Variants in PLEKHA7 observed in about 807,000 individuals in gnomAD.
PLEKHA7 encodes pleckstrin homology domain-containing family A member 7.
A neutral mutation model predicts 170.0 loss-of-function variants in PLEKHA7; 104 were observed. That is an observed-to-expected ratio of 0.61 (90% CI 0.52 to 0.72). The LOEUF (loss-of-function observed/expected upper bound fraction) is 0.72. PLEKHA7 is among the 30% of genes least tolerant of loss of function. PLEKHA7 has a pLI of 0.00. For synonymous variants in PLEKHA7, 648 were observed against 660.8 expected (o/e 0.98, Z 0.30); for missense variants, 1,615 against 1,671.7 (o/e 0.97, Z 0.59).
chr11:16,838,514 TA>T (rs56823340), intron 9 of PLEKHA7, among the ~76,000 whole-genome samples: 24,471 of 128,378 alleles, frequency 0.19, 2,520 homozygotes, highest in Non-Finnish European at 0.27. Flanking sequence ...CTCTGTGTCT[TA>T]AAAAAAAAAA....
At chr11:16,813,025 G>C (rs1590198472) in intron 13 of PLEKHA7, 88 bp downstream of exon 13, 1 of 1,115,222 alleles carries the variant, frequency 9.0e-7, no homozygotes, top group East Asian at 2.4e-5. Context: ...AGACCTGTCT[G>C]GCCTTTGGCT....
intron 3 of PLEKHA7, among the ~76,000 whole-genome samples, chr11:16,982,208 GC>G (rs1260759248): frequency 1.3e-5 from 2 of 152,232 alleles, no homozygotes; most frequent in Non-Finnish European, 2.9e-5. Flanking sequence ...CCCTGGAAGG[GC>G]CCCAAGCCCC....
At position 16,789,808 on chromosome 11, in the gene PLEKHA7, AC is replaced by A. The variant is rs1564909057; in HGVS notation, c.3122del (p.Gly1041ValfsTer31). On this transcript the variant is annotated frameshift_variant, in exon 22 of 27. Transcript: ENST00000531066. LOFTEE classifies it high-confidence loss of function. This position sits in a 1 kb window ranked among gnomAD's most constrained non-coding sequence, Gnocchi z 4.6. ...TCGCCTTGCTGCTTTCGGCATTGAG[AC>A]CCCTCCGGAGTGTGACGTAGGGAGC... The part of the protein sequence containing the change: ...TIAPYVTLRR[G>X]LNAESSKATF... 6.2e-7 allele frequency: 1 copy of A among 1,613,800 alleles called. No homozygotes were observed. The highest frequency in any genetic ancestry group is 1.1e-5 in the South Asian group (1 of 91,048).
chr11:16,977,400 T>C (rs1356818758), intron 3 of PLEKHA7, among the ~76,000 whole-genome samples: 1 of 152,142 alleles, frequency 6.6e-6, no homozygotes, highest in Non-Finnish European at 1.5e-5. Context: ...CAATGAAACC[T>C]TCCCCACCCA....
Position 16,826,474 on chromosome 11 carries a change from T to C in PLEKHA7, c.989A>G (p.Asp330Gly), listed in dbSNP as rs1292880208. The C allele has an allele frequency of 8.1e-6, 13 of 1,614,100 alleles. No homozygotes were observed. Among genetic ancestry groups the C allele is most frequent in the African/African-American group, 1.3e-5 (1 of 74,928 alleles). ...CTGCCTCTCGAAGTTGACAATGTCA[T>C]CATGGCCACGATGAGGACAATCTCT... is the stretch of plus-strand genomic sequence containing the variant. ...HTRDCPHRGHDDIVNFERQEQ... is the reference protein window; with the variant it reads ...HTRDCPHRGHGDIVNFERQEQ... Residue 330 changes from aspartate (D) to glycine (G), a missense_variant, in exon 10 of 27, where the codon GAT becomes GGT. By Grantham distance (94) the Asp-to-Gly change is moderately conservative. Transcript: ENST00000531066.
intron 2 of PLEKHA7, 25 bp from the exon 3 acceptor site, chr11:17,014,071 G>T: frequency 6.3e-7 from 1 of 1,578,046 alleles, no homozygotes. Context: ...GAAAAGTCGG[G>T]TCAAACTTGG....
At chr11:16,859,546 C>A (rs1348582441) in intron 4 of PLEKHA7, among the ~76,000 whole-genome samples, 1 of 152,200 alleles carries the variant, frequency 6.6e-6, no homozygotes, top group Non-Finnish European at 1.5e-5. Flanking sequence ...TGTACAGCCT[C>A]CCGAAGAGAC....
At chr11:16,876,498 T>C (rs1032684245) in intron 3 of PLEKHA7, among the ~76,000 whole-genome samples, 7 of 152,180 alleles carry the variant, frequency 4.6e-5, no homozygotes, top group African/African-American at 1.7e-4. Context: ...CCAGGGAACA[T>C]GGACAGAAGA....
intron 9 of PLEKHA7, among the ~76,000 whole-genome samples, chr11:16,836,305 G>A (rs1244998320): frequency 6.6e-6 from 1 of 152,200 alleles, no homozygotes. Flanking sequence ...TACTGTCTGA[G>A]CCTTGAACCC....
rs1863910513 is a variant in PLEKHA7, at chr11:16,989,464, C to T, written c.221+24525G>A. ...ATAACTACTTAACACAGACCAAGAA[C>T]TTCCCCAAAGTCAAAGCTGGTAAGT... On this transcript the variant is annotated intron_variant, in intron 3 of 26. Coordinates refer to ENST00000531066, the MANE Select transcript of PLEKHA7 (RefSeq NM_001329630.2). 2.6e-5 allele frequency among the ~76,000 whole-genome samples: 4 copies of T among 152,200 alleles called. No individual in the cohort carries two copies. The South Asian group carries it at 8.3e-4, about 32-fold the overall frequency.
chr11:16,872,495 G>C (rs1854937161), intron 3 of PLEKHA7, among the ~76,000 whole-genome samples: 3 of 152,088 alleles, frequency 2.0e-5, no homozygotes, highest in Non-Finnish European at 4.4e-5. Context: ...ATTTGAAATA[G>C]CTGAATAATA....
At chr11:16,965,003 TTA>T (rs1491268870) in intron 3 of PLEKHA7, among the ~76,000 whole-genome samples, 3 of 35,402 alleles carry the variant, frequency 8.5e-5, no homozygotes, top group Non-Finnish European at 1.7e-4. Flanking sequence ...TATACATGAT[TTA>T]AAAAAAAAAA....
chr11:16,964,857 C>G (rs1370047252), intron 3 of PLEKHA7, among the ~76,000 whole-genome samples: 1 of 152,190 alleles, frequency 6.6e-6, no homozygotes, highest in African/African-American at 2.4e-5. Flanking sequence ...TAGAAGAAAA[C>G]AGTAGAACAC....
intron 3 of PLEKHA7, among the ~76,000 whole-genome samples, chr11:17,001,806 C>T (rs1864679405): frequency 6.6e-6 from 1 of 151,192 alleles, no homozygotes; most frequent in African/African-American, 2.4e-5. Context: ...TAACTCCAAG[C>T]TACAAGAGGT....
rs989829316 is a variant in PLEKHA7, at chr11:16,789,466, C to G, written c.3157-170G>C. Reference sequence around the variant, plus strand: ...ATTTCCTCTAAGCAACACGATGCCCCCAACCCTCAGGAGCTTTCTGAGTAG... The same window carrying G: ...ATTTCCTCTAAGCAACACGATGCCCGCAACCCTCAGGAGCTTTCTGAGTAG... On this transcript the variant is annotated intron_variant, in intron 22 of 26. Coordinates refer to ENST00000531066, the MANE Select transcript of PLEKHA7 (RefSeq NM_001329630.2). This position sits in a 1 kb window ranked among gnomAD's most constrained non-coding sequence, Gnocchi z 4.6. The G allele has an allele frequency of 4.5e-6, 3 of 671,096 alleles. No homozygotes were observed. In the African/African-American group the frequency reaches 5.4e-5, roughly 12 times the overall value. 41.6% of individuals were successfully genotyped at this position (671,096 alleles called of 1,614,324 possible).
rs1232739753 is a variant in PLEKHA7, at chr11:16,889,417, AAAAATATAT to A, written c.222-18244_222-18236del. 2.0e-3 allele frequency among the ~76,000 whole-genome samples: 222 copies of A among 111,334 alleles called. 2 individuals carry two copies. The highest frequency in any genetic ancestry group is 6.6e-3 in the African/African-American group (162 of 24,420). The allele number at this position is 111,334 out of a possible 152,430, so 73.0% of individuals were successfully genotyped here. On this transcript the variant is annotated intron_variant, in intron 3 of 26. Coordinates refer to ENST00000531066, the MANE Select transcript of PLEKHA7 (RefSeq NM_001329630.2). ...TTATTGCTCAAAAAAAAAAAAAAAAAAAAATATATATATATATATATATATATATGAACT... is the reference window on the plus strand; with the variant it reads ...TTATTGCTCAAAAAAAAAAAAAAAAAATATATATATATATATATATGAACT...
chr11:16,837,056 T>C (rs1425310815), intron 9 of PLEKHA7, among the ~76,000 whole-genome samples: 1 of 152,166 alleles, frequency 6.6e-6, no homozygotes, highest in East Asian at 1.9e-4. Flanking sequence ...ACTCCTGACC[T>C]CAAGTTGTCC....
chr11:16,928,953 T>G (rs1859745608), intron 3 of PLEKHA7, among the ~76,000 whole-genome samples: 1 of 152,190 alleles, frequency 6.6e-6, no homozygotes. Flanking sequence ...TTTACCAAAA[T>G]GTTAACAATG....
intron 3 of PLEKHA7, among the ~76,000 whole-genome samples, chr11:16,890,687 G>A (rs1316971285): frequency 6.6e-6 from 1 of 152,020 alleles, no homozygotes; most frequent in Non-Finnish European, 1.5e-5. Context: ...CTGAGACCTG[G>A]GAAGGTTAAG....
Sources: allele counts gnomAD v4.1 joint callset (sites outside exome capture counted in the v4.1 genomes callset), GRCh38; gene constraint gnomAD v4.1.1; non-coding constraint Gnocchi (gnomAD v3.1); transcripts MANE v1.5; gene names NCBI Gene and HGNC (gene_info 2026-07-23, HGNC 2026-07-21).